Variants in FDFT1 observed in about 807,000 individuals in gnomAD.
FDFT1 encodes the protein farnesyl-diphosphate farnesyltransferase 1.
Under a neutral mutation model 46.8 loss-of-function variants are expected in FDFT1, and 68 were observed. The observed-to-expected ratio is 1.45, with a 90% CI of 1.19 to 1.78. The LOEUF is 1.78. Ranked by LOEUF, FDFT1 falls within the 40% of genes most tolerant of loss-of-function variation. The probability of loss-of-function intolerance (pLI) is 0.00; values close to 1 mark genes in which losing one functional copy is unlikely to be tolerated. For missense variants in FDFT1, 928 were observed against 524.4 expected (o/e 1.77, Z -7.52); for synonymous variants, 351 against 185.1 (o/e 1.90, Z -7.28).
chr8:11,829,504 A>T (rs1014168813), intron 5 of FDFT1, among the ~76,000 whole-genome samples: 2 of 152,346 alleles, frequency 1.3e-5, no homozygotes, highest in African/African-American at 4.8e-5. Context: ...GTAGGAATAT[A>T]ATGTTAGTCA....
At chr8:11,809,584 A>T in intron 2 of FDFT1, 83 bp from the exon 3 acceptor site, 1 of 1,410,448 alleles carries the variant, frequency 7.1e-7, no homozygotes, top group Non-Finnish European at 9.5e-7. Flanking sequence ...TGGGTTTAGA[A>T]AGTGGCCAGG....
At chr8:11,798,777 C>T (rs572899490), upstream of FDFT1, among the ~76,000 whole-genome samples, 4 of 152,294 alleles carry the variant, frequency 2.6e-5, no homozygotes, top group African/African-American at 9.6e-5. Context: ...ATGTGCTGGG[C>T]ACTATTCCAG....
At chr8:11,813,490 A>G (rs1808015202) in intron 3 of FDFT1, among the ~76,000 whole-genome samples, 1 of 152,230 alleles carries the variant, frequency 6.6e-6, no homozygotes, top group Non-Finnish European at 1.5e-5. Flanking sequence ...AGATGAGGAA[A>G]CTGAGGCACA....
chr8:11,832,551 CAAA>C (rs531759815), intron 7 of FDFT1, among the ~76,000 whole-genome samples: 11,523 of 35,318 alleles, frequency 0.33, 847 homozygotes, highest in East Asian at 0.53. Context: ...GACTTTGTCT[CAAA>C]AAAAAAAAAA....
At chr8:11,820,276 C>G (rs942363117) in intron 3 of FDFT1, among the ~76,000 whole-genome samples, 7 of 152,180 alleles carry the variant, frequency 4.6e-5, no homozygotes, top group Admixed American at 1.3e-4. Flanking sequence ...TGGGAGGTGT[C>G]TCCTCCCAGT....
intron 7 of FDFT1, among the ~76,000 whole-genome samples, chr8:11,834,445 T>C (rs943860154): frequency 4.6e-5 from 7 of 152,310 alleles, no homozygotes; most frequent in African/African-American, 1.7e-4. Flanking sequence ...TTCGTGTCTC[T>C]GCACACTTCC....
At chr8:11,824,925 C>T (rs1012994604) in intron 4 of FDFT1, among the ~76,000 whole-genome samples, 14 of 151,996 alleles carry the variant, frequency 9.2e-5, no homozygotes, top group African/African-American at 9.7e-5. Context: ...TTAGTAGAGA[C>T]GGGGTTTCAC....
chr8:11,838,145 G>A (rs1040304539), intron 7 of FDFT1, among the ~76,000 whole-genome samples: 18 of 152,188 alleles, frequency 1.2e-4, no homozygotes, highest in African/African-American at 4.1e-4. Context: ...AGGGCCTCTG[G>A]GTGCAGTATG....
At chr8:11,827,219 T>C (rs183676221) in intron 5 of FDFT1, among the ~76,000 whole-genome samples, 36 of 152,140 alleles carry the variant, frequency 2.4e-4, no homozygotes, top group Admixed American at 1.2e-3. Flanking sequence ...CTCATACTTA[T>C]AATCCCAGTG....
intron 1 of FDFT1, among the ~76,000 whole-genome samples, chr8:11,807,171 T>G (rs1806963501): frequency 6.6e-6 from 1 of 152,206 alleles, no homozygotes; most frequent in East Asian, 1.9e-4. Flanking sequence ...TTTATTTTTT[T>G]GAGATGGGGT....
intron 1 of FDFT1, chr8:11,803,202 C>G (rs1806363598): frequency 1.4e-6 from 2 of 1,415,748 alleles, no homozygotes; most frequent in Non-Finnish European, 1.9e-6. Flanking sequence ...GTTTCGTCCC[C>G]TCCGTGAGCA....
intron 1 of FDFT1, among the ~76,000 whole-genome samples, chr8:11,804,577 C>T (rs1020635219): frequency 5.4e-5 from 8 of 149,182 alleles, no homozygotes; most frequent in Non-Finnish European, 7.4e-5. Context: ...CATTTCCCTT[C>T]ACTTAACATT....
chr8:11,831,902 A>C, intron 7 of FDFT1: 1 of 428,726 alleles, frequency 2.3e-6, no homozygotes. Context: ...GCAAGGCTGT[A>C]GGTTGGAGCC....
At chr8:11,808,209 G>C in intron 1 of FDFT1, 2 of 1,121,444 alleles carry the variant, frequency 1.8e-6, no homozygotes, top group Non-Finnish European at 2.2e-6. Context: ...TTGGGAAGAG[G>C]ATTTCAGCGG....
chr8:11,824,702 T>A (rs1040345179), intron 4 of FDFT1, among the ~76,000 whole-genome samples: 2 of 152,164 alleles, frequency 1.3e-5, no homozygotes, highest in Non-Finnish European at 2.9e-5. Flanking sequence ...CCTGATACAA[T>A]GTTTGTGAGG....
At chr8:11,831,391 C>T (rs762003135) in intron 6 of FDFT1, 127 bp from the exon 7 acceptor site, 62 of 747,052 alleles carry the variant, frequency 8.3e-5, no homozygotes, top group Non-Finnish European at 1.2e-4. Context: ...TTTTCTTGAG[C>T]GATTCCATCT....
At chr8:11,806,120 G>A (rs571842793) in intron 1 of FDFT1, among the ~76,000 whole-genome samples, 2 of 152,292 alleles carry the variant, frequency 1.3e-5, no homozygotes, top group African/African-American at 4.8e-5. Flanking sequence ...GGAACTTTCA[G>A]CCTGAGGCTG....
At chr8:11,819,468 A>G (rs562065495) in intron 3 of FDFT1, among the ~76,000 whole-genome samples, 11 of 152,128 alleles carry the variant, frequency 7.2e-5, no homozygotes, top group Middle Eastern at 3.4e-3. Context: ...CATTCTGTCT[A>G]TCACTTTCAG....
In FDFT1 at chr8:11,838,829, C is replaced by G; in HGVS notation, c.*220C>G. 1.8e-6 allele frequency: 1 copy of G among 561,242 alleles called. No individual in the cohort carries two copies. The highest frequency in any genetic ancestry group is 3.2e-6 in the Non-Finnish European group (1 of 312,950). 34.8% of individuals were successfully genotyped at this position (561,242 alleles called of 1,614,324 possible). On this transcript the variant is annotated 3_prime_UTR_variant, in exon 8 of 8. Transcript: ENST00000220584. ...GCAACCTGTCCTTGTGGGTGATGAT[C>G]ACTGTGCTGCTTGTGGCTCATGGCA...
Sources: allele counts gnomAD v4.1 joint callset (sites outside exome capture counted in the v4.1 genomes callset), GRCh38; gene constraint gnomAD v4.1.1; transcripts MANE v1.5; gene names NCBI Gene and HGNC (gene_info 2026-07-23, HGNC 2026-07-21).